The following ROBO2 variants were observed in gnomAD, a reference collection of about 807,000 sequenced individuals.
ROBO2 encodes the protein roundabout homolog 2.
A neutral mutation model predicts 160.8 loss-of-function variants in ROBO2; 53 were observed. The ratio of observed to expected loss-of-function variants is 0.33; its 90% CI spans 0.26 to 0.41. The LOEUF (loss-of-function observed/expected upper bound fraction) is 0.41, where lower values mean the gene tolerates loss of function less well. Ranked by LOEUF, ROBO2 falls within the 10% of genes least tolerant of loss-of-function variation. The pLI, the probability that ROBO2 is intolerant of heterozygous loss-of-function variation, is 1.00. For missense variants in ROBO2, 1,577 were observed against 1,722.4 expected, an observed-to-expected ratio of 0.92 and a Z score of 1.49; for synonymous variants, 664 against 611.7, an observed-to-expected ratio of 1.09 and a Z score of -1.26.
intron 2 of ROBO2, among the ~76,000 whole-genome samples, chr3:76,733,783 G>C (rs2093669780): frequency 6.6e-6 from 1 of 151,990 alleles, no homozygotes; most frequent in Admixed American, 6.6e-5. Context: ...GTCAATTCAG[G>C]CTTCTATAAA....
chr3:77,588,626 A>T, intron 16 of ROBO2, 125 bp from the exon 18 acceptor site: 1 of 882,482 alleles, frequency 1.1e-6, no homozygotes, highest in Non-Finnish European at 1.8e-6. Flanking sequence ...TACTTGTGAT[A>T]GGCTCAAAAC....
At chr3:77,412,007 C>A (rs770171207) in intron 2 of ROBO2, among the ~76,000 whole-genome samples, 40 of 152,116 alleles carry the variant, frequency 2.6e-4, no homozygotes, top group Non-Finnish European at 4.9e-4. Context: ...AGAAAAACAA[C>A]CCAAATTCAT....
intron 2 of ROBO2, among the ~76,000 whole-genome samples, chr3:76,532,221 C>G (rs1171124671): frequency 1.3e-5 from 2 of 152,200 alleles, no homozygotes; most frequent in Non-Finnish European, 2.9e-5. Context: ...AATTCATACT[C>G]TTCACTTTTG....
At chr3:76,868,361 G>T (rs1414459526) in intron 2 of ROBO2, among the ~76,000 whole-genome samples, 1 of 151,818 alleles carries the variant, frequency 6.6e-6, no homozygotes, top group Non-Finnish European at 1.5e-5. Flanking sequence ...TAGTATATTT[G>T]TGTTGATCAT....
rs879743178 is a variant in ROBO2 at position 76,978,944 on chromosome 3, TAA to T, written c.110-119057_110-119056del. On this transcript the variant is annotated intron_variant, in intron 2 of 26. Transcript: ENST00000487694. ...TTTTTTTGTTTGTTTGTTTGTTTTT[TAA>T]AAAAAAAAAAAAGAAAAACAGGGTC... Among the ~76,000 whole-genome samples the T allele has an allele frequency of 3.9e-3, 554 of 141,468 alleles. 1 individual carries two copies. Among genetic ancestry groups the T allele is most frequent in the African/African-American group, 8.6e-3 (336 of 38,990 alleles). The allele number at this position is 141,468 out of a possible 152,430, so 92.8% of individuals were successfully genotyped here.
intron 2 of ROBO2, among the ~76,000 whole-genome samples, chr3:77,211,928 G>A (rs376519794): frequency 9.2e-5 from 14 of 152,090 alleles, no homozygotes; most frequent in African/African-American, 1.4e-4. Flanking sequence ...TGTTCCATTG[G>A]TCTATAACTC....
At chr3:76,849,652 G>A (rs758832665) in intron 2 of ROBO2, among the ~76,000 whole-genome samples, 1 of 152,082 alleles carries the variant, frequency 6.6e-6, no homozygotes, top group Non-Finnish European at 1.5e-5. Context: ...GTTTTGACAT[G>A]GCATAATTAT....
At chr3:77,201,523 G>C (rs1182213668) in intron 2 of ROBO2, among the ~76,000 whole-genome samples, 1 of 152,168 alleles carries the variant, frequency 6.6e-6, no homozygotes, top group Non-Finnish European at 1.5e-5. Context: ...AACCTTTGAA[G>C]ACCAAGGAAC....
chr3:76,043,866 C>T (rs1360906810), intron 2 of ROBO2, among the ~76,000 whole-genome samples: 1 of 151,932 alleles, frequency 6.6e-6, no homozygotes, highest in Non-Finnish European at 1.5e-5. Context: ...AGATTGTCTT[C>T]GGATCACTTT....
At chr3:76,545,686 A>G (rs2083056803) in intron 2 of ROBO2, among the ~76,000 whole-genome samples, 1 of 151,978 alleles carries the variant, frequency 6.6e-6, no homozygotes. Context: ...AAATGATTTC[A>G]ATTATCCAAG....
intron 2 of ROBO2, among the ~76,000 whole-genome samples, chr3:76,603,648 C>A (rs1388504940): frequency 6.6e-6 from 1 of 151,682 alleles, no homozygotes; most frequent in Non-Finnish European, 1.5e-5. Context: ...GCTGCATATA[C>A]ATGCTCTTGT....
chr3:77,319,069 TA>T (rs1258824542), intron 2 of ROBO2, among the ~76,000 whole-genome samples: 1 of 152,176 alleles, frequency 6.6e-6, no homozygotes, highest in African/African-American at 2.4e-5. Flanking sequence ...AATATTACAA[TA>T]CCTGGAAAGT....
At chr3:77,435,969 CAAGAATGACTTTGTCTTGATT>C (rs765556510) in intron 2 of ROBO2, among the ~76,000 whole-genome samples, 19 of 150,300 alleles carry the variant, frequency 1.3e-4, no homozygotes, top group African/African-American at 2.2e-4. Context: ...ACTTCTTAAT[CAAGAATGACTTTGTCTTGATT>C]AAGAATGACT....
chr3:77,291,382 T>C (rs1197766071), intron 2 of ROBO2, among the ~76,000 whole-genome samples: 1 of 150,186 alleles, frequency 6.7e-6, no homozygotes, highest in South Asian at 2.1e-4. Flanking sequence ...TGAGGCTACA[T>C]CACCCCAGAC....
intron 2 of ROBO2, among the ~76,000 whole-genome samples, chr3:76,681,356 CA>C (rs1246856724): frequency 3.9e-5 from 6 of 152,184 alleles, no homozygotes; most frequent in African/African-American, 1.4e-4. Context: ...TACCATACAG[CA>C]GCTATTGCAT....
chr3:76,815,503 G>A (rs1262124630), intron 2 of ROBO2, among the ~76,000 whole-genome samples: 1 of 150,830 alleles, frequency 6.6e-6, no homozygotes, highest in Non-Finnish European at 1.5e-5. Context: ...TAAAAATATT[G>A]TACCCAGCGT....
chr3:77,384,936 G>A (rs1028176833), intron 2 of ROBO2, among the ~76,000 whole-genome samples: 2 of 152,028 alleles, frequency 1.3e-5, no homozygotes, highest in Admixed American at 6.6e-5. Context: ...ATTCTTCCTC[G>A]GAGGCAGTGC....
intron 2 of ROBO2, among the ~76,000 whole-genome samples, chr3:76,362,121 T>C (rs2075557049): frequency 6.6e-6 from 1 of 152,092 alleles, no homozygotes; most frequent in Admixed American, 6.6e-5. Context: ...TCTTAACACT[T>C]TGGGAGGCCA....
At chr3:76,096,532 TA>T (rs1009263057) in intron 2 of ROBO2, among the ~76,000 whole-genome samples, 9 of 152,198 alleles carry the variant, frequency 5.9e-5, no homozygotes, top group East Asian at 3.9e-4. Context: ...TTTGAGTGTT[TA>T]TTTTTTTATG....
Sources: allele counts gnomAD v4.1 joint callset (sites outside exome capture counted in the v4.1 genomes callset), GRCh38; gene constraint gnomAD v4.1.1; transcripts MANE v1.5; gene names NCBI Gene and HGNC (gene_info 2026-07-23, HGNC 2026-07-21).